The following UIMC1 variants were observed in gnomAD, a reference collection of about 807,000 sequenced individuals.
UIMC1 encodes BRCA1-A complex subunit RAP80.
UIMC1 carries 42 observed loss-of-function variants against 84.9 expected under a neutral mutation model. The observed-to-expected ratio is 0.49, with a 90% CI of 0.39 to 0.64. The LOEUF (loss-of-function observed/expected upper bound fraction) is 0.64. Ranked by LOEUF, UIMC1 falls within the 30% of genes least tolerant of loss-of-function variation. The pLI is 0.00. For synonymous variants in UIMC1, 281 were observed against 293.0 expected (o/e 0.96, Z 0.42); for missense variants, 825 against 847.6 (o/e 0.97, Z 0.33).
chr5:176,972,400 C>CAA (rs1205115435), intron 3 of UIMC1, among the ~76,000 whole-genome samples: 3 of 106,866 alleles, frequency 2.8e-5, no homozygotes, highest in Admixed American at 1.0e-4. Flanking sequence ...GACTCCGTCT[C>CAA]AAAAAAAAAA....
intron 10 of UIMC1, among the ~76,000 whole-genome samples, chr5:176,917,269 C>A (rs532535990): frequency 6.6e-5 from 10 of 152,306 alleles, no homozygotes; most frequent in African/African-American, 2.2e-4. Flanking sequence ...CAATTAAAGG[C>A]TATTATTAGA....
At chr5:176,998,776 CA>C (rs1774016427) in intron 1 of UIMC1, among the ~76,000 whole-genome samples, 1 of 151,924 alleles carries the variant, frequency 6.6e-6, no homozygotes, top group African/African-American at 2.4e-5. Context: ...TCAAAAAAAA[CA>C]AAAACAAAAC....
chr5:176,994,510 TAAA>T (rs58699518), intron 1 of UIMC1, among the ~76,000 whole-genome samples: 38,423 of 138,282 alleles, frequency 0.28, 5,215 homozygotes, highest in Middle Eastern at 0.34. Flanking sequence ...GCAGTTTCTT[TAAA>T]AAAAAAAAAA....
Position 176,982,453 on chromosome 5 carries a change from G to C in UIMC1, c.147+16C>G. The C allele has an allele frequency of 6.2e-7, 1 of 1,605,634 alleles. No individual in the cohort carries two copies. ...TTGAGAGCTACAGCTCTACTTTTCA[G>C]CTCTACTTCACTAACCTCTCCATCA... On this transcript the variant is annotated intron_variant, in intron 2 of 14. Coordinates refer to ENST00000511320, the MANE Select transcript of UIMC1 (RefSeq NM_001199298.2).
At chr5:176,923,757 A>G (rs560335243) in intron 10 of UIMC1, among the ~76,000 whole-genome samples, 2 of 149,170 alleles carry the variant, frequency 1.3e-5, no homozygotes, top group Admixed American at 1.3e-4. Flanking sequence ...CCAGCTACTC[A>G]GGAGGCTGAG....
intron 3 of UIMC1, among the ~76,000 whole-genome samples, chr5:176,975,142 TA>T (rs1383141056): frequency 6.1e-5 from 9 of 148,656 alleles, no homozygotes; most frequent in Non-Finnish European, 1.0e-4. Context: ...ATCCTGTCTC[TA>T]AAAAAAAAAT....
At chr5:176,970,045 C>A in intron 4 of UIMC1, 1 of 203,840 alleles carries the variant, frequency 4.9e-6, no homozygotes, top group Non-Finnish European at 1.0e-5. Context: ...CTGAGGCAGG[C>A]AGATCACCTG....
chr5:176,951,163 G>A (rs1414376095), intron 9 of UIMC1, among the ~76,000 whole-genome samples: 3 of 152,030 alleles, frequency 2.0e-5, no homozygotes, highest in Non-Finnish European at 4.4e-5. Context: ...ATTCAAACCC[G>A]TGTTCAAATT....
chr5:177,018,854 G>C (rs1651037902), intron 1 of UIMC1, among the ~76,000 whole-genome samples: 1 of 152,132 alleles, frequency 6.6e-6, no homozygotes, highest in African/African-American at 2.4e-5. Flanking sequence ...TGGATTGGAG[G>C]TTGTTTTCCA....
intron 1 of UIMC1, among the ~76,000 whole-genome samples, chr5:176,997,064 TGAGAA>T (rs1396834446): frequency 6.6e-6 from 1 of 152,118 alleles, no homozygotes; most frequent in Non-Finnish European, 1.5e-5. Context: ...TTGAGAGCCC[TGAGAA>T]AAGAGTTGGG....
chr5:176,928,336 A>G (rs547868155), intron 10 of UIMC1, among the ~76,000 whole-genome samples: 2 of 152,300 alleles, frequency 1.3e-5, no homozygotes, highest in South Asian at 4.1e-4. Flanking sequence ...AAAGTTTGCT[A>G]GACTTTGCTT....
chr5:176,964,529 A>G (rs563997212), intron 6 of UIMC1, among the ~76,000 whole-genome samples: 4 of 152,368 alleles, frequency 2.6e-5, no homozygotes, highest in Admixed American at 2.6e-4. Context: ...TGAAATATCC[A>G]GCAATAGAAA....
intron 1 of UIMC1, among the ~76,000 whole-genome samples, chr5:177,018,427 C>T (rs1775719263): frequency 1.3e-5 from 2 of 152,106 alleles, no homozygotes; most frequent in African/African-American, 2.4e-5. Flanking sequence ...ACTATAGTTT[C>T]GTTTGCACAT....
At chr5:176,992,678 C>T (rs1228832682) in intron 1 of UIMC1, among the ~76,000 whole-genome samples, 1 of 151,758 alleles carries the variant, frequency 6.6e-6, no homozygotes, top group Admixed American at 6.6e-5. Context: ...TGGTGGCACA[C>T]ACCTGTAGTT....
intron 6 of UIMC1, among the ~76,000 whole-genome samples, chr5:176,959,715 CAAAA>C (rs1169116401): frequency 1.9e-5 from 1 of 53,920 alleles, no homozygotes; most frequent in Admixed American, 2.2e-4. Context: ...GACTCCGTCT[CAAAA>C]AAAAAAAAAA....
chr5:176,913,489 C>A (rs933891540), intron 10 of UIMC1, among the ~76,000 whole-genome samples: 1 of 152,220 alleles, frequency 6.6e-6, no homozygotes, highest in Non-Finnish European at 1.5e-5. Context: ...GCACCCCAAA[C>A]AGAATCCAAT....
At chr5:176,998,950 G>T (rs776392202) in intron 1 of UIMC1, among the ~76,000 whole-genome samples, 1 of 152,184 alleles carries the variant, frequency 6.6e-6, no homozygotes. Flanking sequence ...AGCACTCTGG[G>T]TGGCCAAGGC....
At chr5:176,972,897 T>C (rs1769472238) in intron 3 of UIMC1, among the ~76,000 whole-genome samples, 1 of 149,780 alleles carries the variant, frequency 6.7e-6, no homozygotes, top group Admixed American at 6.7e-5. Context: ...AATGATTTTA[T>C]ACCAGTAAGT....
chr5:176,913,531 CAGA>C (rs1561718766), intron 10 of UIMC1, among the ~76,000 whole-genome samples: 1 of 152,224 alleles, frequency 6.6e-6, no homozygotes, highest in Non-Finnish European at 1.5e-5. Flanking sequence ...GTAAAAAGAA[CAGA>C]AGAACCATGG....
Sources: allele counts gnomAD v4.1 joint callset (sites outside exome capture counted in the v4.1 genomes callset), GRCh38; gene constraint gnomAD v4.1.1; transcripts MANE v1.5; gene names NCBI Gene and HGNC (gene_info 2026-07-23, HGNC 2026-07-21).